The following AGBL4 variants were observed in gnomAD, a reference collection of about 807,000 sequenced individuals.
The protein encoded by AGBL4 is cytosolic carboxypeptidase 6.
In AGBL4, 58 loss-of-function variants were observed where a neutral mutation model predicts 66.4. The ratio of observed to expected loss-of-function variants is 0.87; its 90% confidence interval spans 0.71 to 1.09. The LOEUF (loss-of-function observed/expected upper bound fraction) is 1.09, where lower values mean the gene tolerates loss of function less well. Among genes scored for constraint, AGBL4 ranks in the 50% least tolerant of loss-of-function variants. AGBL4 has a pLI of 0.00. For synonymous variants in AGBL4, 234 were observed against 222.9 expected, an observed-to-expected ratio of 1.05 and a Z score of -0.44; for missense variants, 579 against 631.0, an observed-to-expected ratio of 0.92 and a Z score of 0.88.
At chr1:49,345,273 T>C (rs1645614122) in intron 3 of AGBL4, among the ~76,000 whole-genome samples, 1 of 152,154 alleles carries the variant, frequency 6.6e-6, no homozygotes, top group African/African-American at 2.4e-5. Context: ...CAATTATAAT[T>C]GTTACGTTAA....
intron 6 of AGBL4, among the ~76,000 whole-genome samples, chr1:48,837,914 A>G (rs1300411596): frequency 6.6e-6 from 1 of 151,524 alleles, no homozygotes; most frequent in Non-Finnish European, 1.5e-5. Context: ...AAGGGTTTTA[A>G]TCAGGAAGAT....
intron 2 of AGBL4, among the ~76,000 whole-genome samples, chr1:49,741,990 C>T (rs1174876427): frequency 6.6e-6 from 1 of 152,114 alleles, no homozygotes; most frequent in East Asian, 1.9e-4. Flanking sequence ...AAAACTGGCA[C>T]AAGACAGGGA....
intron 4 of AGBL4, among the ~76,000 whole-genome samples, chr1:49,128,954 T>A (rs1026741192): frequency 4.0e-5 from 6 of 151,772 alleles, no homozygotes; most frequent in Admixed American, 2.0e-4. Flanking sequence ...AATTAATAAA[T>A]CATATACGTG....
At chr1:49,336,145 T>C (rs1011159938) in intron 3 of AGBL4, among the ~76,000 whole-genome samples, 1 of 152,120 alleles carries the variant, frequency 6.6e-6, no homozygotes, top group African/African-American at 2.4e-5. Flanking sequence ...TCTGAAAACC[T>C]GAGAATCAGG....
intron 9 of AGBL4, among the ~76,000 whole-genome samples, chr1:48,621,278 C>T (rs986285231): frequency 5.9e-5 from 9 of 152,090 alleles, no homozygotes; most frequent in Non-Finnish European, 1.0e-4. Context: ...GTTAGACAGA[C>T]GAGTGGATAG....
At chr1:49,495,194 T>G (rs557054458) in intron 3 of AGBL4, among the ~76,000 whole-genome samples, 148 of 152,136 alleles carry the variant, frequency 9.7e-4, no homozygotes, top group African/African-American at 3.3e-3. Flanking sequence ...TGGAATCATA[T>G]AAAATTTTAT....
intron 4 of AGBL4, among the ~76,000 whole-genome samples, chr1:49,221,818 C>T (rs1287464922): frequency 6.6e-6 from 1 of 152,018 alleles, no homozygotes; most frequent in Non-Finnish European, 1.5e-5. Flanking sequence ...AGCATAAAAA[C>T]ATATACACTT....
Position 49,541,023 on chromosome 1 carries a change from A to T in AGBL4, c.282+156290T>A, listed in dbSNP as rs1651970046. ...CTGTCTAAAATATGGCTTTTGTATC[A>T]TACAAAATGAAAGACAAATCAAGCA... On this transcript the variant is annotated intron_variant, in intron 3 of 13. Coordinates refer to ENST00000371839, the MANE Select transcript of AGBL4 (RefSeq NM_032785.4). Among the ~76,000 whole-genome samples, 3 of 152,260 alleles carry T rather than the reference A, an allele frequency of 2.0e-5. No individual in the cohort carries two copies. The South Asian group carries it at 6.2e-4, about 31-fold the overall frequency.
At chr1:49,855,996 C>G (rs1278466597) in intron 1 of AGBL4, among the ~76,000 whole-genome samples, 2 of 151,434 alleles carry the variant, frequency 1.3e-5, no homozygotes. Flanking sequence ...AAACTGCTAG[C>G]TAGCTAAACG....
chr1:49,904,450 C>T (rs1473707137), intron 1 of AGBL4, among the ~76,000 whole-genome samples: 1 of 152,118 alleles, frequency 6.6e-6, no homozygotes. Flanking sequence ...AATTCAACCT[C>T]AGTACAAAAA....
At chr1:49,502,755 C>A (rs552600263) in intron 3 of AGBL4, among the ~76,000 whole-genome samples, 44 of 151,890 alleles carry the variant, frequency 2.9e-4, no homozygotes, top group Non-Finnish European at 5.7e-4. Context: ...GGTATTTTAC[C>A]CCTGCCCTAG....
intron 3 of AGBL4, among the ~76,000 whole-genome samples, chr1:49,545,364 T>G (rs1219398449): frequency 6.6e-6 from 1 of 152,172 alleles, no homozygotes; most frequent in Admixed American, 6.5e-5. Flanking sequence ...AAAAACCATG[T>G]GAGTTTGGAG....
At position 48,663,187 on chromosome 1, in the gene AGBL4, T is replaced by A. The variant is rs201572306; in HGVS notation, c.689A>T (p.His230Leu). 1 of 1,613,976 alleles carries A rather than the reference T, an allele frequency of 6.2e-7. No individual in the cohort carries two copies. Among genetic ancestry groups the A allele is most frequent in the Non-Finnish European group, 8.5e-7 (1 of 1,179,884 alleles). The change falls in exon 7 of 14, where the codon CAC (histidine) becomes CTC (leucine). Residue 230 changes from histidine to leucine, a missense_variant. By Grantham distance (99) the His-to-Leu change is moderately conservative. Coordinates refer to ENST00000371839, the MANE Select transcript of AGBL4 (RefSeq NM_032785.4). ...AAATGATGAGGGTGTTTCCCCTGGG[T>A]GGACTCGTCCTGTGATGAATACCAC... ...QKVVFITGRV[H>L]PGETPSSFVC...
In AGBL4 at chr1:49,948,434, TAAATATATATAAATATATAAATATAG is replaced by T. The variant is rs1462737613; in HGVS notation, c.34+75303_34+75328del. 3.7e-3 allele frequency among the ~76,000 whole-genome samples: 304 copies of T among 82,506 alleles called. 4 individuals are homozygous for T. The South Asian group carries it at 0.038, about 10-fold the overall frequency. 54.1% of individuals were successfully genotyped at this position (82,506 alleles called of 152,430 possible). ...ATATAGATAAATATAGATAAATATA[TAAATATATATAAATATATAAATATAG>T]ATAAATATATAAATATATAAATATA... On this transcript the variant is annotated intron_variant, in intron 1 of 13. Coordinates refer to ENST00000371839, the MANE Select transcript of AGBL4 (RefSeq NM_032785.4).
chr1:48,909,425 T>G (rs1242838782), intron 5 of AGBL4, among the ~76,000 whole-genome samples: 1 of 152,140 alleles, frequency 6.6e-6, no homozygotes, highest in Non-Finnish European at 1.5e-5. Flanking sequence ...ATGTTCAGAT[T>G]AGAGAGAGAG....
At chr1:49,615,441 A>G (rs1342388178) in intron 3 of AGBL4, among the ~76,000 whole-genome samples, 1 of 152,168 alleles carries the variant, frequency 6.6e-6, no homozygotes, top group African/African-American at 2.4e-5. Flanking sequence ...TATAAATCAC[A>G]TAAAATGTTC....
intron 4 of AGBL4, among the ~76,000 whole-genome samples, chr1:49,196,236 T>G (rs1030239486): frequency 6.6e-6 from 1 of 152,232 alleles, no homozygotes; most frequent in Non-Finnish European, 1.5e-5. Context: ...CATTCTTTTT[T>G]AAAATTTTGT....
chr1:48,656,148 A>G (rs1353453184), intron 7 of AGBL4, among the ~76,000 whole-genome samples: 1 of 152,234 alleles, frequency 6.6e-6, no homozygotes, highest in Non-Finnish European at 1.5e-5. Context: ...AGGCCAGAAG[A>G]GAAGGAAAAG....
intron 4 of AGBL4, among the ~76,000 whole-genome samples, chr1:49,212,567 A>G (rs773948239): frequency 5.9e-5 from 9 of 152,152 alleles, no homozygotes; most frequent in South Asian, 2.1e-4. Flanking sequence ...TCAGACATGA[A>G]AGCTAAAAGT....
Sources: allele counts gnomAD v4.1 joint callset (sites outside exome capture counted in the v4.1 genomes callset), GRCh38; gene constraint gnomAD v4.1.1; transcripts MANE v1.5; gene names NCBI Gene and HGNC (gene_info 2026-07-23, HGNC 2026-07-21).